CCDC144A: variants seen among roughly 807,000 people sequenced by gnomAD.
The protein encoded by CCDC144A is coiled-coil domain-containing protein 144A.
CCDC144A carries 41 observed loss-of-function variants against 143.8 expected under a neutral mutation model. The ratio of observed to expected loss-of-function variants is 0.29; its 90% confidence interval spans 0.22 to 0.37. CCDC144A has a LOEUF of 0.37. Ranked by LOEUF, CCDC144A falls within the 10% of genes least tolerant of loss-of-function variation. The probability of loss-of-function intolerance (pLI) is 1.00; values close to 1 mark genes in which losing one functional copy is unlikely to be tolerated. For synonymous variants in CCDC144A, 242 were observed against 517.9 expected (o/e 0.47, Z 7.23); for missense variants, 637 against 1,488.8 (o/e 0.43, Z 9.41).
chr17:16,776,821 A>G lies in CCDC144A; in HGVS notation c.*3188A>G, dbSNP rs1408368369. On this transcript the variant is annotated 3_prime_UTR_variant, in exon 17 of 17. Coordinates refer to ENST00000399273, the MANE Select transcript of CCDC144A (RefSeq NM_001382000.1). Reference sequence around the variant, plus strand: ...TTCCAGGTTTTCAGGTACTCAGGCAACAAATAGCGTTACAATAGAATAGTA... The same window carrying G: ...TTCCAGGTTTTCAGGTACTCAGGCAGCAAATAGCGTTACAATAGAATAGTA... The G allele has an allele frequency of 6.6e-6, 1 of 152,218 alleles. No individual in the cohort carries two copies. Among genetic ancestry groups the G allele is most frequent in the Non-Finnish European group, 1.5e-5 (1 of 68,066 alleles). The allele number at this position is 152,218 out of a possible 1,614,324, so 9.4% of individuals were successfully genotyped here.
chr17:16,746,066 CTCCTTCAGCGAGCCT>C, intron 12 of CCDC144A: 1 of 1,609,238 alleles, frequency 6.2e-7, no homozygotes, highest in African/African-American at 1.3e-5. Flanking sequence ...TCTCCTGGGG[CTCCTTCAGCGAGCCT>C]TCCACGGGCC....
rs577506078 is a variant in CCDC144A, at chr17:16,723,071, A to G, written c.1891+2413A>G. Among the ~76,000 whole-genome samples the G allele has an allele frequency of 3.8e-3, 578 of 152,112 alleles. 6 individuals carry two copies. The highest frequency in any genetic ancestry group is 0.013 in the African/African-American group (550 of 41,472). On this transcript the variant is annotated intron_variant, in intron 8 of 16. Transcript: ENST00000399273. Reference sequence around the variant, plus strand: ...TTTTTGAGGGCGGGGGAGAGGTCATATAAAATTGTTATATTGCTTCTTAAA... The same window carrying G: ...TTTTTGAGGGCGGGGGAGAGGTCATGTAAAATTGTTATATTGCTTCTTAAA...
intron 12 of CCDC144A, among the ~76,000 whole-genome samples, chr17:16,755,558 T>TTTTA (rs1340230886): frequency 1.3e-5 from 2 of 152,280 alleles, no homozygotes; most frequent in South Asian, 4.1e-4. Flanking sequence ...TCTTTTTCAG[T>TTTTA]TTTATTTATT....
intron 4 of CCDC144A, among the ~76,000 whole-genome samples, chr17:16,707,872 A>T (rs1049808219): frequency 1.7e-4 from 26 of 152,342 alleles, no homozygotes; most frequent in Non-Finnish European, 3.2e-4. Context: ...GAAATTATGA[A>T]CAATTTAACA....
intron 8 of CCDC144A, among the ~76,000 whole-genome samples, chr17:16,723,660 A>G (rs1473528575): frequency 1.3e-5 from 2 of 152,104 alleles, no homozygotes; most frequent in Non-Finnish European, 2.9e-5. Context: ...GTGTCCTCAC[A>G]TGGCAGAACA....
rs551409918 is a variant in CCDC144A, at chr17:16,708,850, A to G, written c.793A>G (p.Ile265Val). The change falls in exon 5 of 17, where the codon ATA becomes GTA. Residue 265 changes from isoleucine (I) to valine (V), a missense_variant. Physicochemically the swap from Ile to Val is conservative, Grantham distance 29. Coordinates refer to ENST00000399273, the MANE Select transcript of CCDC144A (RefSeq NM_001382000.1). Reference sequence around the variant, plus strand: ...GGATTGCGATAGAGAGGATATACCTATATATCCAGTACTTCCTCATGTGCA... The same window carrying G: ...GGATTGCGATAGAGAGGATATACCTGTATATCCAGTACTTCCTCATGTGCA... ...AKDCDREDIP[I>V]YPVLPHVQKS... 2.4e-5 allele frequency: 38 copies of G among 1,611,890 alleles called. No homozygotes were observed. The Admixed American group carries it at 5.0e-4, about 21-fold the overall frequency.
intron 12 of CCDC144A, among the ~76,000 whole-genome samples, chr17:16,741,964 C>G (rs1914275442): frequency 6.6e-6 from 1 of 151,998 alleles, no homozygotes; most frequent in Non-Finnish European, 1.5e-5. Context: ...TGGCACACAC[C>G]TGTAATCCCA....
chr17:16,769,555 A>G (rs1189308807), intron 15 of CCDC144A, among the ~76,000 whole-genome samples: 2 of 152,190 alleles, frequency 1.3e-5, no homozygotes, highest in African/African-American at 2.4e-5. Context: ...TCTTATTTGG[A>G]GGAGAATGAA....
At position 16,690,640 on chromosome 17, in the gene CCDC144A, T is replaced by C; in HGVS notation, c.240T>C (p.Asp80=). The C allele has an allele frequency of 1.2e-6, 2 of 1,613,746 alleles. No homozygotes were observed. The highest frequency in any genetic ancestry group is 1.7e-6 in the Non-Finnish European group (2 of 1,179,842). ...DQPQHDVRLE[D]LGELHRAARS... is the part of the protein sequence containing the mutation. ...CCCAGCACGACGTCCGCCTGGAAGA[T>C]CTTGGCGAGCTCCACAGAGCTGCCC... is the stretch of plus-strand genomic sequence containing the variant. Residue 80 remains aspartate, a synonymous_variant, in exon 1 of 17, where the codon GAT becomes GAC. Transcript: ENST00000399273.
At chr17:16,768,229 T>C (rs890662530) in intron 15 of CCDC144A, among the ~76,000 whole-genome samples, 1 of 152,184 alleles carries the variant, frequency 6.6e-6, no homozygotes, top group African/African-American at 2.4e-5. Context: ...ATCATGGAGG[T>C]TTGGGAGTTC....
chr17:16,680,296 G>A, the CCDC144A span, among the ~76,000 whole-genome samples: 1 of 151,934 alleles, frequency 6.6e-6, no homozygotes, highest in Non-Finnish European at 1.5e-5. Context: ...AGGCATGGTG[G>A]CACTACCTGT....
At chr17:16,717,240 G>C (rs569057573) in intron 6 of CCDC144A, among the ~76,000 whole-genome samples, 1 of 150,640 alleles carries the variant, frequency 6.6e-6, no homozygotes, top group Non-Finnish European at 1.5e-5. Context: ...TCAGCCTCCC[G>C]AATAGCTGGG....
chr17:16,729,711 C>T (rs1469101726), intron 9 of CCDC144A, among the ~76,000 whole-genome samples: 2 of 151,516 alleles, frequency 1.3e-5, no homozygotes, highest in Non-Finnish European at 2.9e-5. Flanking sequence ...ATTGCCACCA[C>T]GCCTGGCTAA....
chr17:16,677,322 G>A, the CCDC144A span, among the ~76,000 whole-genome samples: 1 of 152,124 alleles, frequency 6.6e-6, no homozygotes, highest in Admixed American at 6.5e-5. Context: ...CTTGGGCCCA[G>A]CTGAATCAAG....
intron 15 of CCDC144A, among the ~76,000 whole-genome samples, chr17:16,770,270 C>T (rs1821799719): frequency 6.6e-6 from 1 of 152,190 alleles, no homozygotes; most frequent in Non-Finnish European, 1.5e-5. Context: ...CTGCCTCAGC[C>T]TCCTGAGTAG....
At chr17:16,677,311 G>C in the CCDC144A span, among the ~76,000 whole-genome samples, 2 of 152,084 alleles carry the variant, frequency 1.3e-5, no homozygotes, top group African/African-American at 4.8e-5. Flanking sequence ...TAGAATTTAA[G>C]CTTGGGCCCA....
the CCDC144A span, among the ~76,000 whole-genome samples, chr17:16,672,529 C>A: frequency 1.3e-5 from 2 of 152,006 alleles, no homozygotes; most frequent in Non-Finnish European, 2.9e-5. Flanking sequence ...AAAATAAATT[C>A]CTATTAGAAC....
the CCDC144A span, among the ~76,000 whole-genome samples, chr17:16,678,372 A>T: frequency 6.6e-6 from 1 of 152,082 alleles, no homozygotes; most frequent in Non-Finnish European, 1.5e-5. Flanking sequence ...AGATCATAAT[A>T]GTAGCTTAAA....
chr17:16,674,104 C>T, the CCDC144A span, among the ~76,000 whole-genome samples: 4 of 152,044 alleles, frequency 2.6e-5, no homozygotes, highest in Non-Finnish European at 4.4e-5. Flanking sequence ...CACTTTGTTT[C>T]CAAATTTAGA....
Sources: gnomAD v4.1 joint callset for allele counts (sites outside exome capture counted in the v4.1 genomes callset) on GRCh38, gnomAD v4.1.1 for gene constraint, MANE v1.5 for transcripts, NCBI Gene and HGNC (gene_info 2026-07-23, HGNC 2026-07-21) for gene names.